The following AFG3L2 variants were observed in gnomAD, a reference collection of about 807,000 sequenced individuals.
AFG3L2 encodes the protein mitochondrial inner membrane m-AAA protease component AFG3L2.
AFG3L2 carries 54 observed loss-of-function variants against 94.5 expected under a neutral mutation model. The observed-to-expected ratio is 0.57, with a 90% CI of 0.46 to 0.72. The LOEUF is 0.72. Among genes scored for constraint, AFG3L2 ranks in the 30% least tolerant of loss-of-function variants. The probability of loss-of-function intolerance (pLI) is 0.00; values close to 1 mark genes in which losing one functional copy is unlikely to be tolerated. For missense variants in AFG3L2, 754 were observed against 994.9 expected (o/e 0.76, Z 3.26); for synonymous variants, 377 against 365.5 (o/e 1.03, Z -0.36).
chr18:12,358,588 T>A, intron 8 of AFG3L2, 82 bp downstream of exon 8: 2 of 1,495,890 alleles, frequency 1.3e-6, no homozygotes, highest in South Asian at 2.4e-5. Context: ...CAGCTATCTA[T>A]AATAAGTAAT....
At chr18:12,350,883 G>A (rs1908293734) in intron 12 of AFG3L2, among the ~76,000 whole-genome samples, 1 of 152,172 alleles carries the variant, frequency 6.6e-6, no homozygotes, top group Non-Finnish European at 1.5e-5. Flanking sequence ...AGAAGGTTGA[G>A]GCTACAGTGA....
intron 9 of AFG3L2, among the ~76,000 whole-genome samples, chr18:12,353,534 A>G (rs1171118162): frequency 6.6e-6 from 1 of 151,834 alleles, no homozygotes; most frequent in Non-Finnish European, 1.5e-5. Context: ...AAAAAAAAAA[A>G]AAAATGAAAT....
intron 3 of AFG3L2, among the ~76,000 whole-genome samples, chr18:12,368,729 T>C (rs1197752684): frequency 6.6e-6 from 1 of 152,028 alleles, no homozygotes; most frequent in Non-Finnish European, 1.5e-5. Context: ...GCCTCCCAAG[T>C]AGTTGGGATT....
chr18:12,337,643 C>CCAGCAG (rs376213367), intron 15 of AFG3L2, 108 bp from the exon 16 acceptor site: 10 of 953,640 alleles, frequency 1.0e-5, no homozygotes, highest in African/African-American at 3.2e-5. Flanking sequence ...CTCTGTGTAG[C>CCAGCAG]CAGCAGCAGC....
chr18:12,337,590 A>G (rs1368568660), intron 15 of AFG3L2, 55 bp from the exon 16 acceptor site: 3 of 1,560,792 alleles, frequency 1.9e-6, no homozygotes, highest in Non-Finnish European at 2.6e-6. Context: ...AACCAGACAA[A>G]ATCTACACAG....
chr18:12,356,757 G>A lies in AFG3L2; in HGVS notation c.1101C>T (p.Val367=). ...CAGATCCACTAACGGTGATGAAGGG[G>A]ACATTGGCTTCTCCGGCTGTGGCCT... ...LAKATAGEAN[V]PFITVSGSEF... Residue 367 remains valine, a synonymous_variant, in exon 9 of 17, where the codon GTC becomes GTT. Coordinates refer to ENST00000269143, the MANE Select transcript of AFG3L2 (RefSeq NM_006796.3). 2 of 1,614,244 alleles carry A rather than the reference G, an allele frequency of 1.2e-6. No individual in the cohort carries two copies. The highest frequency in any genetic ancestry group is 1.7e-6 in the Non-Finnish European group (2 of 1,180,046).
chr18:12,376,876 G>C, intron 1 of AFG3L2, 93 bp downstream of exon 1: 1 of 1,002,698 alleles, frequency 1.0e-6, no homozygotes, highest in Non-Finnish European at 1.3e-6. Context: ...TGCGGCCGGA[G>C]GGCGGGGGCC....
At chr18:12,360,283 G>A in intron 6 of AFG3L2, 1 of 484,324 alleles carries the variant, frequency 2.1e-6, no homozygotes, top group Non-Finnish European at 3.6e-6. Context: ...TATCTCAGTG[G>A]CTCTAAAATT....
Position 12,344,168 on chromosome 18 carries a change from G to T in AFG3L2, c.1743C>A (p.Ala581=). 1 of 1,613,904 alleles carries T rather than the reference G, an allele frequency of 6.2e-7. No individual in the cohort carries two copies. The highest frequency in any genetic ancestry group is 8.5e-7 in the Non-Finnish European group (1 of 1,180,034). The part of the protein sequence containing the change: ...VAYHEAGHAV[A]GWYLEHADPL... The stretch of plus-strand genomic sequence containing the variant: ...GGTCTGCGTGCTCCAGATACCAGCC[G>T]GCAACCGCATGGCCTGCTTCGTGGT... Residue 581 remains alanine (A), a synonymous_variant, in exon 14 of 17, where the codon GCC becomes GCA. Transcript: ENST00000269143.
intron 13 of AFG3L2, among the ~76,000 whole-genome samples, chr18:12,344,531 A>G (rs531312192): frequency 6.6e-6 from 1 of 152,114 alleles, no homozygotes; most frequent in South Asian, 2.1e-4. Flanking sequence ...AAAATTAGCC[A>G]GGCGTCGTGG....
intron 1 of AFG3L2, among the ~76,000 whole-genome samples, chr18:12,375,403 C>A (rs1909118214): frequency 6.9e-6 from 1 of 145,320 alleles, no homozygotes; most frequent in South Asian, 2.2e-4. Context: ...GTCACTGAGC[C>A]CAGGTAAGAA....
chr18:12,332,922 A>G (rs1907585238), intron 16 of AFG3L2, among the ~76,000 whole-genome samples: 1 of 138,226 alleles, frequency 7.2e-6, no homozygotes. Flanking sequence ...TATATTATAT[A>G]TAACATATAC....
At position 12,358,705 on chromosome 18, in the gene AFG3L2, T is replaced by C; in HGVS notation, c.991A>G (p.Lys331Glu). The C allele has an allele frequency of 6.2e-7, 1 of 1,614,262 alleles. No homozygotes were observed. Among genetic ancestry groups the C allele is most frequent in the Non-Finnish European group, 8.5e-7 (1 of 1,180,052 alleles). Reference protein sequence around the residue: ...MEFVNFLKNPKQYQDLGAKIP... With the variant: ...MEFVNFLKNPEQYQDLGAKIP... ...TTTGCTCCTAGGTCTTGATACTGCT[T>C]TGGGTTTTTCAAGAAATTCACAAAT... The change falls in exon 8 of 17, where the codon AAG becomes GAG. Residue 331 changes from lysine to glutamate, a missense_variant. This residue lies in a region of AFG3L2 where 109 missense variants were observed against 227.1 expected (regional missense o/e 0.48). Coordinates refer to ENST00000269143, the MANE Select transcript of AFG3L2 (RefSeq NM_006796.3).
chr18:12,358,539 G>A, intron 8 of AFG3L2, 131 bp downstream of exon 8: 4 of 1,212,676 alleles, frequency 3.3e-6, no homozygotes, highest in South Asian at 2.7e-5. Flanking sequence ...TTGGGCAGAG[G>A]CTAGCCTAGT....
chr18:12,329,870 TCC>T, intron 16 of AFG3L2, 87 bp from the exon 17 acceptor site: 1 of 1,176,734 alleles, frequency 8.5e-7, no homozygotes, highest in Admixed American at 2.1e-5. Context: ...GTGACCCCAT[TCC>T]AAAAAAGGAT....
intron 5 of AFG3L2, among the ~76,000 whole-genome samples, chr18:12,366,128 G>A (rs771339221): frequency 3.4e-4 from 51 of 151,912 alleles, no homozygotes; most frequent in African/African-American, 1.1e-3. Context: ...CACCCGCCTC[G>A]GCCTCCCAAA....
intron 15 of AFG3L2, among the ~76,000 whole-genome samples, chr18:12,339,782 G>C (rs1907883699): frequency 6.7e-6 from 1 of 148,298 alleles, no homozygotes; most frequent in Non-Finnish European, 1.5e-5. Flanking sequence ...CTGGGAGGCA[G>C]AGCTTGCAGT....
intron 13 of AFG3L2, among the ~76,000 whole-genome samples, 166 bp downstream of exon 13, chr18:12,348,107 G>A (rs1207972715): frequency 6.6e-6 from 1 of 152,194 alleles, no homozygotes; most frequent in African/African-American, 2.4e-5. Context: ...GGAGAGGGAG[G>A]AGAGGCATGG....
rs1045474037 is a variant in AFG3L2 at position 12,345,666 on chromosome 18, GC to G, written c.1664-1420del. ...CTCACTACACAACACTGCCTGCGGGGCCCAGCAGCTGCCTCAGAGCAAAACC... is the reference window on the plus strand; with the variant it reads ...CTCACTACACAACACTGCCTGCGGGGCCAGCAGCTGCCTCAGAGCAAAACC... On this transcript the variant is annotated intron_variant, in intron 13 of 16. Transcript: ENST00000269143. 9.6e-4 allele frequency among the ~76,000 whole-genome samples: 146 copies of G among 152,224 alleles called. 1 individual carries two copies. Among genetic ancestry groups the G allele is most frequent in the African/African-American group, 3.4e-3 (142 of 41,526 alleles).
Sources: gnomAD v4.1 joint callset for allele counts (sites outside exome capture counted in the v4.1 genomes callset) on GRCh38, gnomAD v4.1.1 for gene constraint, gnomAD v4.1.1 regional missense constraint, MANE v1.5 for transcripts, NCBI Gene and HGNC (gene_info 2026-07-23, HGNC 2026-07-21) for gene names.